Variants in TMPRSS4 observed in about 807,000 individuals in gnomAD.
The protein encoded by TMPRSS4 is transmembrane serine protease 4, also known as transmembrane protease serine 4.
In TMPRSS4, 45 loss-of-function variants were observed where a neutral mutation model predicts 56.4. That is an observed-to-expected ratio of 0.80 (90% CI 0.63 to 1.02). The LOEUF (loss-of-function observed/expected upper bound fraction) is 1.02. TMPRSS4 is among the 50% of genes least tolerant of loss of function. TMPRSS4 has a pLI of 0.00. For synonymous variants in TMPRSS4, 205 were observed against 211.0 expected, an observed-to-expected ratio of 0.97 and a Z score of 0.25; for missense variants, 546 against 556.7, an observed-to-expected ratio of 0.98 and a Z score of 0.19.
chr11:118,081,153 G>T (rs1334411882), intron 1 of TMPRSS4, among the ~76,000 whole-genome samples: 3 of 152,198 alleles, frequency 2.0e-5, no homozygotes, highest in Non-Finnish European at 4.4e-5. Flanking sequence ...ATCAAAGACA[G>T]AATCCCCTAT....
chr11:118,103,340 C>G, intron 4 of TMPRSS4, 87 bp downstream of exon 4: 1 of 1,476,600 alleles, frequency 6.8e-7, no homozygotes, highest in Non-Finnish European at 9.1e-7. Context: ...GTATCTGCCC[C>G]CTACTTGTCA....
intron 3 of TMPRSS4, among the ~76,000 whole-genome samples, chr11:118,099,757 T>C (rs1351750844): frequency 6.6e-6 from 1 of 152,072 alleles, no homozygotes; most frequent in African/African-American, 2.4e-5. Context: ...GAGTTTCTGC[T>C]TGTGAGGAGG....
intron 2 of TMPRSS4, among the ~76,000 whole-genome samples, chr11:118,098,770 A>G (rs1330837776): frequency 6.6e-6 from 1 of 152,168 alleles, no homozygotes; most frequent in Admixed American, 6.5e-5. Context: ...GGCACTCAGG[A>G]AAGATAGGTG....
intron 5 of TMPRSS4, chr11:118,107,284 AG>A (rs1947041695): frequency 6.5e-6 from 1 of 152,772 alleles, no homozygotes; most frequent in Non-Finnish European, 1.5e-5. Flanking sequence ...AATATCTCTA[AG>A]GGGGCCAAAA....
chr11:118,109,130 C>T (rs538355573), intron 7 of TMPRSS4, among the ~76,000 whole-genome samples: 3 of 152,296 alleles, frequency 2.0e-5, no homozygotes, highest in African/African-American at 7.2e-5. Flanking sequence ...CTGTGCATGG[C>T]TCCATGACCT....
chr11:118,087,564 A>G (rs977777882), intron 1 of TMPRSS4: 3 of 152,368 alleles, frequency 2.0e-5, no homozygotes, highest in Non-Finnish European at 2.9e-5. Context: ...ACAAGGCAAG[A>G]TGAGAACTCA....
chr11:118,115,004 A>G (rs1456206225), intron 10 of TMPRSS4, 77 bp downstream of exon 10: 2 of 1,546,940 alleles, frequency 1.3e-6, no homozygotes, highest in African/African-American at 2.7e-5. Flanking sequence ...AATGGGAAGG[A>G]GGACCACCCT....
chr11:118,077,422 A>T, intron 1 of TMPRSS4, 117 bp downstream of exon 1: 1 of 1,278,994 alleles, frequency 7.8e-7, no homozygotes. Context: ...TCTAGGTTAA[A>T]AAAAGAGGCC....
intron 6 of TMPRSS4, 106 bp from the exon 7 acceptor site, chr11:118,108,750 C>T (rs996063594): frequency 1.0e-5 from 11 of 1,087,928 alleles, no homozygotes; most frequent in South Asian, 2.7e-5. Context: ...TCCACATTCC[C>T]GAGGTATTGG....
rs977059532 is a variant in TMPRSS4, at chr11:118,118,849, C to G, written c.*936C>G. On this transcript the variant is annotated 3_prime_UTR_variant, in exon 13 of 13. Transcript: ENST00000437212. ...GTCCTAACTTTTTCCGCCTGGAGAG[C>G]CCTCAGTGTGGCTTCTTACATTTAA... 7.1e-5 allele frequency: 70 copies of G among 985,278 alleles called. No homozygotes were observed. Among genetic ancestry groups the G allele is most frequent in the Admixed American group, 1.2e-4 (2 of 16,266 alleles). 61.0% of individuals were successfully genotyped at this position (985,278 alleles called of 1,614,324 possible).
At chr11:118,104,553 T>G in intron 4 of TMPRSS4, 138 bp from the exon 5 acceptor site, 37 of 1,361,584 alleles carry the variant, frequency 2.7e-5, no homozygotes, top group Non-Finnish European at 3.5e-5. Context: ...GAAATTCCCT[T>G]GACATTGAAA....
chr11:118,105,646 T>A (rs1159990006), intron 5 of TMPRSS4: 1 of 152,130 alleles, frequency 6.6e-6, no homozygotes, highest in Non-Finnish European at 1.5e-5. Flanking sequence ...AGATGGTTGA[T>A]CACTCAGAGA....
At chr11:118,108,592 G>A in intron 6 of TMPRSS4, 1 of 485,824 alleles carries the variant, frequency 2.1e-6, no homozygotes, top group South Asian at 3.4e-5. Context: ...TGGGTCCCAG[G>A]AGCCCAGGCT....
chr11:118,099,209 C>CCCCTCAGTAAGA lies in TMPRSS4; in HGVS notation c.157+112_157+123dup, dbSNP rs1214588421. 4.5e-5 allele frequency: 37 copies of CCCCTCAGTAAGA among 830,900 alleles called. No individual in the cohort carries two copies. The African/African-American group carries it at 5.6e-4, about 13-fold the overall frequency. 51.5% of individuals were successfully genotyped at this position (830,900 alleles called of 1,614,324 possible). The stretch of plus-strand genomic sequence containing the variant: ...GACAGTCCCCCACCCCTGCCCTCAC[C>CCCCTCAGTAAGA]CCCTCAGTAAGAGGCAGTCCCACCC... On this transcript the variant is annotated intron_variant, in intron 3 of 12. Coordinates refer to ENST00000437212, the MANE Select transcript of TMPRSS4 (RefSeq NM_019894.4).
At chr11:118,124,777 C>G (rs1175674441), downstream of TMPRSS4, among the ~76,000 whole-genome samples, 1 of 152,194 alleles carries the variant, frequency 6.6e-6, no homozygotes, top group Admixed American at 6.5e-5. Context: ...GCATTCTTCT[C>G]AAGCACTTTT....
intron 1 of TMPRSS4, among the ~76,000 whole-genome samples, chr11:118,078,043 AAGAAAGAAG>A (rs1361712017): frequency 1.1e-5 from 1 of 88,146 alleles, no homozygotes; most frequent in African/African-American, 4.2e-5. Context: ...AAAAAAAAAA[AAGAAAGAAG>A]GAAAAGAAAA....
chr11:118,095,654 A>G (rs577376842), intron 2 of TMPRSS4, among the ~76,000 whole-genome samples: 2 of 152,272 alleles, frequency 1.3e-5, no homozygotes, highest in South Asian at 4.1e-4. Context: ...AAACCAGAAA[A>G]CAAGCTGAAT....
chr11:118,103,932 C>G (rs1946861039), intron 4 of TMPRSS4, among the ~76,000 whole-genome samples: 1 of 152,188 alleles, frequency 6.6e-6, no homozygotes, highest in South Asian at 2.1e-4. Context: ...TTCTCAGCCA[C>G]TTCGCCAGCT....
chr11:118,109,029 C>G lies in TMPRSS4; in HGVS notation c.583+133C>G. 1.0e-6 allele frequency: 1 copy of G among 960,500 alleles called. No individual in the cohort carries two copies. The highest frequency in any genetic ancestry group is 1.6e-6 in the Non-Finnish European group (1 of 638,988). 59.5% of individuals were successfully genotyped at this position (960,500 alleles called of 1,614,324 possible). A position where few individuals can be genotyped will look rare whatever the true frequency, so the allele number is the denominator to read the frequency against. On this transcript the variant is annotated intron_variant, in intron 7 of 12. Transcript: ENST00000437212. Reference sequence around the variant, plus strand: ...CTTGGTCTACAGCCCTTGGGCTTGTCGGTCAATGCCCCCTCGAGTTGTTGG... The same window carrying G: ...CTTGGTCTACAGCCCTTGGGCTTGTGGGTCAATGCCCCCTCGAGTTGTTGG...
Sources: allele counts gnomAD v4.1 joint callset (sites outside exome capture counted in the v4.1 genomes callset), GRCh38; gene constraint gnomAD v4.1.1; transcripts MANE v1.5; gene names NCBI Gene and HGNC (gene_info 2026-07-23, HGNC 2026-07-21).